WDSUB1: variants seen among roughly 807,000 people sequenced by gnomAD.
WDSUB1 encodes WD repeat, SAM and U-box domain-containing protein 1.
WDSUB1 carries 49 observed loss-of-function variants against 53.9 expected under a neutral mutation model. That is an observed-to-expected ratio of 0.91 (90% CI 0.72 to 1.15). The LOEUF (loss-of-function observed/expected upper bound fraction) is 1.15. Among genes scored for constraint, WDSUB1 ranks in the 50% most tolerant of loss-of-function variants. WDSUB1 has a pLI of 0.00. For missense variants in WDSUB1, 514 were observed against 562.0 expected (o/e 0.91, Z 0.86); for synonymous variants, 194 against 200.6 (o/e 0.97, Z 0.28).
chr2:159,282,923 T>C lies in WDSUB1; in HGVS notation c.147A>G (p.Pro49=), dbSNP rs1424929000. ...GGACAGCATAGGTATGAAACTTCAA[T>C]GGAGAATGTGGCAGTTCAGTAAAGT... ...LRDFTELPHS[P]LKFHTYAVHC... Residue 49 remains proline (P), a synonymous_variant, in exon 2 of 11, where the codon CCA becomes CCG. Transcript: ENST00000359774. 16 of 1,614,006 alleles carry C rather than the reference T, an allele frequency of 9.9e-6. No individual in the cohort carries two copies. The highest frequency in any genetic ancestry group is 1.4e-5 in the Non-Finnish European group (16 of 1,180,038).
At chr2:159,277,196 T>C (rs2061559412) in intron 3 of WDSUB1, among the ~76,000 whole-genome samples, 1 of 152,222 alleles carries the variant, frequency 6.6e-6, no homozygotes, top group East Asian at 1.9e-4. Flanking sequence ...TTTAACTCCA[T>C]GGGACTTCCA....
intron 5 of WDSUB1, among the ~76,000 whole-genome samples, chr2:159,264,999 A>C (rs920686620): frequency 6.6e-6 from 1 of 151,380 alleles, no homozygotes; most frequent in African/African-American, 2.4e-5. Context: ...CAGGAGAAGC[A>C]CTTGAACCTG....
At chr2:159,281,000 T>G (rs1456619922) in intron 2 of WDSUB1, among the ~76,000 whole-genome samples, 2 of 152,120 alleles carry the variant, frequency 1.3e-5, no homozygotes, top group Non-Finnish European at 2.9e-5. Flanking sequence ...CTGGATTTCA[T>G]GCATATAAAA....
At chr2:159,248,325 A>G (rs368039459) in intron 10 of WDSUB1, 47 bp downstream of exon 10, 30 of 1,589,494 alleles carry the variant, frequency 1.9e-5, no homozygotes, top group Non-Finnish European at 2.5e-5. Flanking sequence ...CTTTTTATTC[A>G]TTTAGCACAA....
At chr2:159,271,197 C>T (rs958252603) in intron 5 of WDSUB1, among the ~76,000 whole-genome samples, 25 of 152,174 alleles carry the variant, frequency 1.6e-4, no homozygotes, top group African/African-American at 6.0e-4. Flanking sequence ...CAAGGCCATT[C>T]CTATGTACTT....
At chr2:159,286,557 C>G (rs961012817) in intron 1 of WDSUB1, 26 bp downstream of exon 1, 1 of 152,310 alleles carries the variant, frequency 6.6e-6, no homozygotes, top group African/African-American at 2.4e-5. Context: ...GCCGCTGAGC[C>G]GGCCCGTGGG....
Position 159,279,766 on chromosome 2 carries a change from AC to A in WDSUB1, c.577del (p.Val193PhefsTer33). The A allele has an allele frequency of 6.2e-7, 1 of 1,603,142 alleles. No individual in the cohort carries two copies. Among genetic ancestry groups the A allele is most frequent in the South Asian group, 1.1e-5 (1 of 89,254 alleles). Reference sequence around the variant, plus strand: ...AAAAGAATAAAATAACCAACCAGAAACTGGCTGTGAAGAAAAATCGCAGCAG... The same window carrying A: ...AAAAGAATAAAATAACCAACCAGAAATGGCTGTGAAGAAAAATCGCAGCAG... ...ITCCDFSSQP[V>X]SDGEQGLQFF... On this transcript the variant is annotated frameshift_variant, in exon 3 of 11. Transcript: ENST00000359774. LOFTEE classifies it high-confidence loss of function.
At chr2:159,259,195 T>C (rs2061137373) in intron 6 of WDSUB1, among the ~76,000 whole-genome samples, 1 of 152,152 alleles carries the variant, frequency 6.6e-6, no homozygotes, top group Admixed American at 6.5e-5. Flanking sequence ...AGCTAAGTTT[T>C]TGTATTTTTG....
chr2:159,279,328 C>T (rs1379760642), intron 3 of WDSUB1, among the ~76,000 whole-genome samples: 1 of 152,108 alleles, frequency 6.6e-6, no homozygotes, highest in Non-Finnish European at 1.5e-5. Context: ...TTTAGCTTTT[C>T]GAAGATTAAA....
At chr2:159,275,413 T>G (rs2061519796) in intron 4 of WDSUB1, 133 bp downstream of exon 4, 2 of 672,776 alleles carry the variant, frequency 3.0e-6, no homozygotes, top group Non-Finnish European at 4.9e-6. Context: ...GTGTATTATT[T>G]TGACTAAAAG....
chr2:159,256,298 G>A lies in WDSUB1; in HGVS notation c.1030C>T (p.Gln344Ter), dbSNP rs775425811. 18 of 1,612,164 alleles carry A rather than the reference G, an allele frequency of 1.1e-5. No individual in the cohort carries two copies. Among genetic ancestry groups the A allele is most frequent in the Non-Finnish European group, 1.5e-5 (18 of 1,179,356 alleles). ...EEDVSTWLCA[Q>*]DLKDLVGIFK... ...ATACCAACAAGATCTTTTAAATCTTGTGCACAAAGCCATGTTGAGACATCC... is the reference window on the plus strand; with the variant it reads ...ATACCAACAAGATCTTTTAAATCTTATGCACAAAGCCATGTTGAGACATCC... The change falls in exon 9 of 11, where the codon CAA becomes TAA. Residue 344 changes from glutamine (Q) to a stop codon, truncating the protein, a stop_gained. Transcript: ENST00000359774. LOFTEE classifies it high-confidence loss of function.
intron 9 of WDSUB1, among the ~76,000 whole-genome samples, chr2:159,251,110 T>G (rs2060941684): frequency 2.0e-5 from 2 of 100,318 alleles, no homozygotes; most frequent in South Asian, 5.3e-4. Context: ...AAAAAAAATT[T>G]TAAAAATTAG....
chr2:159,254,455 C>T (rs927286551), intron 9 of WDSUB1, among the ~76,000 whole-genome samples: 4 of 151,910 alleles, frequency 2.6e-5, no homozygotes, highest in African/African-American at 7.3e-5. Context: ...CAGCTACTCA[C>T]GAGGCCGAGG....
intron 1 of WDSUB1, 133 bp from the exon 2 acceptor site, chr2:159,283,226 C>G: frequency 1.3e-6 from 1 of 771,622 alleles, no homozygotes; most frequent in Non-Finnish European, 2.0e-6. Flanking sequence ...AAGCAGTGGT[C>G]CCCACCTTTT....
chr2:159,255,620 A>C (rs2061046506), intron 9 of WDSUB1, among the ~76,000 whole-genome samples: 1 of 152,194 alleles, frequency 6.6e-6, no homozygotes, highest in African/African-American at 2.4e-5. Flanking sequence ...AGAGATTTAA[A>C]TAGGCTCACG....
chr2:159,258,239 T>A (rs1250654100), intron 6 of WDSUB1, among the ~76,000 whole-genome samples: 1 of 152,236 alleles, frequency 6.6e-6, no homozygotes, highest in Non-Finnish European at 1.5e-5. Context: ...TTTAGTACAG[T>A]AGACCCTTGG....
intron 6 of WDSUB1, among the ~76,000 whole-genome samples, chr2:159,259,036 A>AATTTTTTTTTTTTTTTT (rs1436442238): frequency 6.6e-5 from 10 of 150,588 alleles, no homozygotes; most frequent in East Asian, 4.0e-4. Flanking sequence ...CAACTACTTT[A>AATTTTTTTTTTTTTTTT]TTTTTGAGAC....
chr2:159,249,045 T>TA (rs2060886030), intron 9 of WDSUB1, among the ~76,000 whole-genome samples: 2 of 152,254 alleles, frequency 1.3e-5, no homozygotes, highest in Admixed American at 1.3e-4. Flanking sequence ...CAGCAGCTAA[T>TA]AGCTCATTTT....
intron 5 of WDSUB1, among the ~76,000 whole-genome samples, chr2:159,266,435 G>A (rs1222830186): frequency 6.6e-6 from 1 of 152,260 alleles, no homozygotes; most frequent in East Asian, 1.9e-4. Flanking sequence ...TGATCCGCCC[G>A]CCTCGGCCTC....
Sources: gnomAD v4.1 joint callset for allele counts (sites outside exome capture counted in the v4.1 genomes callset) on GRCh38, gnomAD v4.1.1 for gene constraint, MANE v1.5 for transcripts, NCBI Gene and HGNC (gene_info 2026-07-23, HGNC 2026-07-21) for gene names.